JADE3: variants seen among roughly 807,000 people sequenced by gnomAD.
JADE3 encodes protein Jade-3.
JADE3 carries 2 observed loss-of-function variants against 50.1 expected under a neutral mutation model. The observed-to-expected ratio is 0.04, with a 90% CI of 0.02 to 0.13. The LOEUF is 0.13. JADE3 is among the 10% of genes least tolerant of loss of function. The probability of loss-of-function intolerance (pLI) is 1.00; values close to 1 mark genes in which losing one functional copy is unlikely to be tolerated. For missense variants in JADE3, 475 were observed against 634.4 expected, an observed-to-expected ratio of 0.75 and a Z score of 2.70; for synonymous variants, 218 against 232.9, an observed-to-expected ratio of 0.94 and a Z score of 0.58.
At chrX:47,054,873 T>G (rs1473292825) in intron 9 of JADE3, among the ~76,000 whole-genome samples, 8 of 112,183 alleles carry the variant, frequency 7.1e-5, no homozygotes, top group South Asian at 7.4e-4. Flanking sequence ...AACTCTCATT[T>G]GGTTTACTTT....
chrX:46,948,491 A>C (rs1467395354), intron 1 of JADE3, among the ~76,000 whole-genome samples: 1 of 111,888 alleles, frequency 8.9e-6, no homozygotes, highest in Admixed American at 9.5e-5. Context: ...GTTTTGACTT[A>C]AGTGTTCCTA....
intron 1 of JADE3, among the ~76,000 whole-genome samples, chrX:46,930,312 A>G (rs139565964): frequency 7.3e-4 from 82 of 112,124 alleles, no homozygotes; most frequent in Middle Eastern, 4.6e-3. Context: ...GAGTGAAGCC[A>G]TCTTAGAACA....
At chrX:46,912,995 G>C (rs1349445130) in intron 1 of JADE3, 1 of 112,535 alleles carries the variant, frequency 8.9e-6, no homozygotes, top group Non-Finnish European at 1.9e-5. Context: ...GCGGGGGGCG[G>C]GGGCGGACGC....
At chrX:46,934,166 G>A (rs930374572) in intron 1 of JADE3, among the ~76,000 whole-genome samples, 7 of 110,732 alleles carry the variant, frequency 6.3e-5, no homozygotes. Context: ...ACGGAGTCTC[G>A]GCTCTGTCAC....
At chrX:46,998,062 T>C (rs1556357849) in intron 3 of JADE3, 58 bp from the exon 4 acceptor site, 2 of 972,933 alleles carry the variant, frequency 2.1e-6, no homozygotes, top group Non-Finnish European at 2.9e-6. Flanking sequence ...AGGAGAACAT[T>C]GAATGGTATC....
rs1929769370 is a variant in JADE3 at position 47,061,047 on chromosome X, G to C, written c.*1970G>C. 1 of 111,905 alleles carries C rather than the reference G, an allele frequency of 8.9e-6. No individual in the cohort carries two copies. Among genetic ancestry groups the C allele is most frequent in the Admixed American group, 9.5e-5 (1 of 10,488 alleles). 9.2% of individuals were successfully genotyped at this position (111,905 alleles called of 1,213,427 possible). A position where few individuals can be genotyped will look rare whatever the true frequency, so the allele number is the denominator to read the frequency against. ...TACAGGATATTCCTAGGTAAATGAA[G>C]GAGCCTTCAGTTGTAAATTTCAATT... On this transcript the variant is annotated 3_prime_UTR_variant, in exon 11 of 11. Transcript: ENST00000614628.
chrX:47,045,711 G>A, intron 8 of JADE3, among the ~76,000 whole-genome samples: 1 of 111,664 alleles, frequency 9.0e-6, no homozygotes, highest in Admixed American at 9.5e-5. Context: ...TGGCCACAGT[G>A]GAATAAAACT....
Position 47,024,805 on chromosome X carries a change from G to A in JADE3, c.366G>A (p.Glu122=). 8.4e-7 allele frequency: 1 copy of A among 1,195,414 alleles called. No individual in the cohort carries two copies. Residue 122 remains glutamate (E), a synonymous_variant, in exon 5 of 11, where the codon GAG becomes GAA. Transcript: ENST00000614628. ...YIHCSSPDTT[E]PGYINIMELA... ...ACTGCTCCAGCCCAGACACCACAGA[G>A]CCTGGCTACATCAACATCATGGAGT... is the stretch of plus-strand genomic sequence containing the variant.
rs782267866 is a variant in JADE3 at position 46,982,692 on chromosome X, C to T, written c.-11-2192C>T. On this transcript the variant is annotated intron_variant, in intron 1 of 10. Coordinates refer to ENST00000614628, the MANE Select transcript of JADE3 (RefSeq NM_014735.5). Reference sequence around the variant, plus strand: ...GCAGTATGAAGCCTCTAATGTTGCTCTTCGGGGGTACAAGCTTGTGTATGC... The same window carrying T: ...GCAGTATGAAGCCTCTAATGTTGCTTTTCGGGGGTACAAGCTTGTGTATGC... 7.2e-5 allele frequency among the ~76,000 whole-genome samples: 8 copies of T among 111,059 alleles called. No homozygotes were observed. The South Asian group carries it at 3.1e-3, about 43-fold the overall frequency.
intron 1 of JADE3, among the ~76,000 whole-genome samples, chrX:46,969,373 G>A (rs1419386065): frequency 1.8e-5 from 2 of 110,214 alleles, no homozygotes; most frequent in Non-Finnish European, 3.8e-5. Context: ...CTGAGATCGT[G>A]CCACTGCACT....
intron 1 of JADE3, among the ~76,000 whole-genome samples, chrX:46,938,805 G>A (rs192769739): frequency 4.0e-4 from 45 of 111,859 alleles, no homozygotes; most frequent in African/African-American, 1.2e-3. Context: ...CACTTCAAAC[G>A]TGTTGTGCCA....
At chrX:46,985,290 C>T (rs1927837537) in intron 2 of JADE3, among the ~76,000 whole-genome samples, 1 of 111,829 alleles carries the variant, frequency 8.9e-6, no homozygotes, top group African/African-American at 3.3e-5. Flanking sequence ...GACTGTGAGT[C>T]AATCATCATT....
intron 2 of JADE3, 102 bp from the exon 3 acceptor site, chrX:46,985,611 A>G (rs1927843307): frequency 3.6e-6 from 2 of 548,696 alleles, no homozygotes; most frequent in South Asian, 3.1e-5. Context: ...TGGTTTCTCC[A>G]TCATATTTTT....
intron 4 of JADE3, among the ~76,000 whole-genome samples, chrX:47,018,213 T>TCTCCTTCTTCCCACAC (rs1209126706): frequency 1.8e-5 from 2 of 111,145 alleles, no homozygotes; most frequent in African/African-American, 3.3e-5. Flanking sequence ...CCTCACCCCA[T>TCTCCTTCTTCCCACAC]CTCCTTCTTC....
In JADE3 at chrX:46,981,057, A is replaced by G. The variant is rs376128416; in HGVS notation, c.-11-3827A>G. On this transcript the variant is annotated intron_variant, in intron 1 of 10. Transcript: ENST00000614628. ...ATCAAGGGAGTAAGAGTGTCCTCTAAAAGCTGTAATAGGCAAGGAAATGAG... is the reference window on the plus strand; with the variant it reads ...ATCAAGGGAGTAAGAGTGTCCTCTAGAAGCTGTAATAGGCAAGGAAATGAG... 8.1e-4 allele frequency among the ~76,000 whole-genome samples: 90 copies of G among 111,414 alleles called. 1 individual carries two copies. The South Asian group carries it at 0.032, about 39-fold the overall frequency.
chrX:47,031,895 A>G (rs955909200), intron 6 of JADE3, among the ~76,000 whole-genome samples: 8 of 111,092 alleles, frequency 7.2e-5, no homozygotes, highest in Middle Eastern at 9.1e-3. Context: ...TAAAGAACAC[A>G]TGATGCTGAC....
chrX:47,023,369 G>T (rs887559172), intron 4 of JADE3, among the ~76,000 whole-genome samples: 3 of 111,188 alleles, frequency 2.7e-5, no homozygotes, highest in Admixed American at 9.6e-5. Flanking sequence ...TGCAGGTTTT[G>T]GTTTTCTGTT....
intron 1 of JADE3, among the ~76,000 whole-genome samples, chrX:46,921,999 C>T (rs1386227692): frequency 9.4e-6 from 1 of 106,809 alleles, no homozygotes; most frequent in East Asian, 2.9e-4. Context: ...ATATATGTGT[C>T]ATGGTGGCCC....
intron 1 of JADE3, among the ~76,000 whole-genome samples, chrX:46,971,094 T>C (rs1321645652): frequency 9.7e-6 from 1 of 103,570 alleles, no homozygotes; most frequent in African/African-American, 3.5e-5. Flanking sequence ...AGTTGACTTA[T>C]CTGGGTAGTT....
Sources: gnomAD v4.1 joint callset for allele counts (sites outside exome capture counted in the v4.1 genomes callset) on GRCh38, gnomAD v4.1.1 for gene constraint, MANE v1.5 for transcripts, NCBI Gene and HGNC (gene_info 2026-07-23, HGNC 2026-07-21) for gene names.